NAALADL2: variants seen among roughly 807,000 people sequenced by gnomAD.
The protein encoded by NAALADL2 is N-acetylated alpha-linked acidic dipeptidase like 2.
Under a neutral mutation model 87.2 loss-of-function variants are expected in NAALADL2, and 76 were observed. The ratio of observed to expected loss-of-function variants is 0.87; its 90% confidence interval spans 0.72 to 1.05. NAALADL2 has a LOEUF of 1.05. Among genes scored for constraint, NAALADL2 ranks in the 50% least tolerant of loss-of-function variants. The pLI, the probability that NAALADL2 is intolerant of heterozygous loss-of-function variation, is 0.00. For missense variants in NAALADL2, 1,089 were observed against 945.8 expected, an observed-to-expected ratio of 1.15 and a Z score of -1.99; for synonymous variants, 354 against 331.0, an observed-to-expected ratio of 1.07 and a Z score of -0.75.
At chr3:174,809,786 T>C (rs1379496203) in intron 3 of NAALADL2, among the ~76,000 whole-genome samples, 1 of 152,204 alleles carries the variant, frequency 6.6e-6, no homozygotes, top group Non-Finnish European at 1.5e-5. Context: ...CCTACCCAAA[T>C]TTCATGTTCA....
rs188258710 is a variant in NAALADL2 at position 175,715,173 on chromosome 3, G to A, written c.1897-22133G>A. ...TGGAGTAAAATAACAGAAGCCTAAA[G>A]AAGTAGTTTTATGTCCAAGGCCACA... is the stretch of plus-strand genomic sequence containing the variant. On this transcript the variant is annotated intron_variant, in intron 11 of 13. Transcript: ENST00000454872. 9.9e-5 allele frequency among the ~76,000 whole-genome samples: 15 copies of A among 152,200 alleles called. No individual in the cohort carries two copies. The East Asian group carries it at 1.4e-3, about 14-fold the overall frequency.
intron 2 of NAALADL2, among the ~76,000 whole-genome samples, chr3:174,559,542 C>G (rs1713320921): frequency 6.6e-6 from 1 of 152,156 alleles, no homozygotes; most frequent in Admixed American, 6.5e-5. Flanking sequence ...CCTTAGTCAG[C>G]TTGGGCTGCT....
intron 2 of NAALADL2, among the ~76,000 whole-genome samples, chr3:174,587,989 CT>C (rs1299425211): frequency 6.6e-6 from 1 of 152,178 alleles, no homozygotes; most frequent in Admixed American, 6.5e-5. Flanking sequence ...TCAATTCCCC[CT>C]GTCACTTTCA....
intron 2 of NAALADL2, among the ~76,000 whole-genome samples, chr3:174,685,782 A>G (rs1205541648): frequency 6.6e-6 from 1 of 152,106 alleles, no homozygotes; most frequent in Non-Finnish European, 1.5e-5. Flanking sequence ...TGTTAAGCCT[A>G]GTACTCATTA....
intron 1 of NAALADL2, among the ~76,000 whole-genome samples, chr3:174,904,310 T>C (rs1320396867): frequency 2.0e-5 from 3 of 151,902 alleles, no homozygotes; most frequent in Non-Finnish European, 4.4e-5. Flanking sequence ...TACCAACTTA[T>C]TAAGAATCTG....
chr3:175,626,645 A>G (rs1727021303), intron 10 of NAALADL2, among the ~76,000 whole-genome samples: 3 of 151,914 alleles, frequency 2.0e-5, no homozygotes, highest in Middle Eastern at 6.8e-3. Flanking sequence ...TGTATTGATT[A>G]TTTATTCCCA....
At chr3:175,457,625 T>C (rs1231873479) in intron 6 of NAALADL2, among the ~76,000 whole-genome samples, 2 of 151,930 alleles carry the variant, frequency 1.3e-5, no homozygotes, top group African/African-American at 4.8e-5. Flanking sequence ...GCTCAAATGA[T>C]CCTCTTGCTT....
At chr3:175,381,461 A>C (rs1560464514) in intron 5 of NAALADL2, among the ~76,000 whole-genome samples, 1 of 151,988 alleles carries the variant, frequency 6.6e-6, no homozygotes, top group African/African-American at 2.4e-5. Context: ...TTTAAGCCTC[A>C]AAAAATCATA....
intron 1 of NAALADL2, among the ~76,000 whole-genome samples, chr3:174,493,498 A>T (rs1560013701): frequency 1.3e-5 from 2 of 152,214 alleles, no homozygotes; most frequent in African/African-American, 4.8e-5. Context: ...CACGCTGATA[A>T]TAGACTTCTA....
intron 2 of NAALADL2, among the ~76,000 whole-genome samples, chr3:175,110,574 G>A (rs1724026196): frequency 6.6e-6 from 1 of 151,744 alleles, no homozygotes; most frequent in Non-Finnish European, 1.5e-5. Flanking sequence ...TGTGTTCTCA[G>A]AATTGACAGA....
At chr3:174,617,110 A>G (rs1720539199) in intron 2 of NAALADL2, among the ~76,000 whole-genome samples, 1 of 151,786 alleles carries the variant, frequency 6.6e-6, no homozygotes, top group Non-Finnish European at 1.5e-5. Context: ...GATCAATGAA[A>G]CATACCTACT....
At chr3:175,641,035 A>G (rs903263894) in intron 11 of NAALADL2, among the ~76,000 whole-genome samples, 1 of 152,046 alleles carries the variant, frequency 6.6e-6, no homozygotes, top group African/African-American at 2.4e-5. Flanking sequence ...GGATGCATTT[A>G]TCCGTTGGCT....
chr3:174,458,414 A>G (rs759154854), intron 1 of NAALADL2: 2 of 152,228 alleles, frequency 1.3e-5, no homozygotes, highest in Non-Finnish European at 2.9e-5. Flanking sequence ...TACATTATGT[A>G]TATAAAGCAC....
chr3:175,339,070 G>C (rs1762323041), intron 5 of NAALADL2, among the ~76,000 whole-genome samples: 2 of 152,226 alleles, frequency 1.3e-5, no homozygotes, highest in African/African-American at 4.8e-5. Context: ...CTGAAGGAGT[G>C]GGGAACAACT....
intron 2 of NAALADL2, among the ~76,000 whole-genome samples, chr3:174,680,084 C>T (rs1727396664): frequency 1.1e-5 from 1 of 89,932 alleles, no homozygotes; most frequent in Non-Finnish European, 2.4e-5. Context: ...ATAATATAAC[C>T]AGGTATTTTG....
intron 11 of NAALADL2, among the ~76,000 whole-genome samples, chr3:175,637,508 G>A (rs1728713507): frequency 6.6e-6 from 1 of 152,122 alleles, no homozygotes; most frequent in Non-Finnish European, 1.5e-5. Flanking sequence ...CTCATAAATG[G>A]CTTGGTACCA....
At chr3:175,069,116 C>T (rs2109132567) in intron 1 of NAALADL2, among the ~76,000 whole-genome samples, 1 of 151,440 alleles carries the variant, frequency 6.6e-6, no homozygotes, top group South Asian at 2.1e-4. Context: ...GACTTCATGT[C>T]TCAAACACCA....
chr3:174,674,311 A>G (rs940465937), intron 2 of NAALADL2, among the ~76,000 whole-genome samples: 18 of 151,980 alleles, frequency 1.2e-4, no homozygotes, highest in Admixed American at 1.2e-3. Flanking sequence ...CCCACCTCCA[A>G]TACTGTAGAT....
intron 2 of NAALADL2, among the ~76,000 whole-genome samples, chr3:174,612,189 T>A (rs546098939): frequency 6.6e-6 from 1 of 152,294 alleles, no homozygotes; most frequent in African/African-American, 2.4e-5. Context: ...TGTATGTTAC[T>A]GTTTTTCTCC....
Sources: allele counts gnomAD v4.1 joint callset (sites outside exome capture counted in the v4.1 genomes callset), GRCh38; gene constraint gnomAD v4.1.1; transcripts MANE v1.5; gene names NCBI Gene and HGNC (gene_info 2026-07-23, HGNC 2026-07-21).